The following TPRX2 variants were observed in gnomAD, a reference collection of about 807,000 sequenced individuals.
TPRX2 encodes tetrapeptide repeat homeobox 2.
the TPRX2 span, chr19:47,860,736 G>T: frequency 1.4e-6 from 2 of 1,481,210 alleles, no homozygotes; most frequent in South Asian, 1.3e-5. Flanking sequence ...CGCCGCCCCC[G>T]AGCGGCTCAC....
the TPRX2 span, among the ~76,000 whole-genome samples, chr19:47,861,677 T>C: frequency 6.6e-6 from 1 of 152,230 alleles, no homozygotes; most frequent in Non-Finnish European, 1.5e-5. Context: ...CTGCTGTGAA[T>C]GTGCCTGCCT....
the TPRX2 span, among the ~76,000 whole-genome samples, chr19:47,861,707 A>T: frequency 1.3e-5 from 2 of 152,160 alleles, no homozygotes; most frequent in Non-Finnish European, 2.9e-5. Flanking sequence ...ATTGAGCCTG[A>T]GCGTTTCTCT....
chr19:47,860,384 G>A, the TPRX2 span: 10 of 635,258 alleles, frequency 1.6e-5, no homozygotes, highest in Non-Finnish European at 2.3e-5. Context: ...CTCCCGCCCT[G>A]CCACGCAAGG....
At chr19:47,861,372 T>C in the TPRX2 span, 1 of 478,522 alleles carries the variant, frequency 2.1e-6, no homozygotes, top group Non-Finnish European at 4.1e-6. Context: ...CACCCAGTTA[T>C]ACCCTGACTT....
At chr19:47,861,408 C>G in the TPRX2 span, 4 of 558,786 alleles carry the variant, frequency 7.2e-6, no homozygotes, top group East Asian at 6.4e-5. Flanking sequence ...GCTCCTAGAC[C>G]GGTTCGAGGA....
the TPRX2 span, among the ~76,000 whole-genome samples, chr19:47,859,872 T>G: frequency 1.3e-5 from 2 of 150,706 alleles, no homozygotes; most frequent in Non-Finnish European, 3.0e-5. Context: ...CAGCCCCGTC[T>G]GCTCCGAGGT....
chr19:47,860,684 G>C, the TPRX2 span: 1 of 1,221,144 alleles, frequency 8.2e-7, no homozygotes, highest in Non-Finnish European at 1.1e-6. Flanking sequence ...TCATATGGTG[G>C]GTGCGGGGTG....
chr19:47,861,594 A>C, the TPRX2 span: 2 of 812,820 alleles, frequency 2.5e-6, no homozygotes, highest in Non-Finnish European at 3.6e-6. Flanking sequence ...TCTGCAGTGA[A>C]TGCATCACCC....
chr19:47,861,505 A>T, the TPRX2 span: 12 of 1,318,670 alleles, frequency 9.1e-6, no homozygotes, highest in African/African-American at 1.5e-5. Flanking sequence ...TCATTACTGG[A>T]TTTATAGGGG....
chr19:47,860,914 C>T, the TPRX2 span: 201 of 1,528,000 alleles, frequency 1.3e-4, no homozygotes, highest in Non-Finnish European at 1.7e-4. Flanking sequence ...CCCCTAGTCC[C>T]TGTAGCCGCT....
At chr19:47,861,524 C>G in the TPRX2 span, 7 of 1,322,914 alleles carry the variant, frequency 5.3e-6, no homozygotes, top group Non-Finnish European at 7.0e-6. Context: ...GGGCCTGTGC[C>G]TGCAAAGTTC....
the TPRX2 span, chr19:47,860,290 C>T: frequency 3.9e-6 from 6 of 1,519,722 alleles, no homozygotes; most frequent in Admixed American, 2.0e-5. Flanking sequence ...CAGGTCTGAC[C>T]CCCACCCCCA....
chr19:47,861,412 T>G, the TPRX2 span: 1 of 579,114 alleles, frequency 1.7e-6, no homozygotes, highest in African/African-American at 1.9e-5. Flanking sequence ...CTAGACCGGT[T>G]CGAGGAATCC....
the TPRX2 span, among the ~76,000 whole-genome samples, chr19:47,860,619 C>T: frequency 6.6e-6 from 1 of 151,746 alleles, no homozygotes; most frequent in Non-Finnish European, 1.5e-5. Flanking sequence ...ACCCTCCTCC[C>T]CCTACTTTCC....
At chr19:47,860,523 C>G in the TPRX2 span, among the ~76,000 whole-genome samples, 4 of 151,704 alleles carry the variant, frequency 2.6e-5, no homozygotes, top group African/African-American at 9.7e-5. Context: ...CTCAGGCACC[C>G]GTGAGAACCC....
At chr19:47,860,835 C>T in the TPRX2 span, 1 of 1,533,436 alleles carries the variant, frequency 6.5e-7, no homozygotes, top group Non-Finnish European at 8.7e-7. Context: ...CAAACTAGCT[C>T]GGGAGCGGCG....
the TPRX2 span, chr19:47,861,012 G>A: frequency 3.9e-6 from 4 of 1,027,566 alleles, no homozygotes; most frequent in Non-Finnish European, 5.9e-6. Context: ...CCTCCCAGCA[G>A]CAGAACCGAA....
At chr19:47,859,923 C>T in the TPRX2 span, among the ~76,000 whole-genome samples, 1 of 149,704 alleles carries the variant, frequency 6.7e-6, no homozygotes, top group South Asian at 2.1e-4. Flanking sequence ...GCTGTTATCG[C>T]GCCCATTTCC....
At chr19:47,860,745 A>G in the TPRX2 span, 1 of 1,497,546 alleles carries the variant, frequency 6.7e-7, no homozygotes, top group Non-Finnish European at 8.9e-7. Context: ...CGAGCGGCTC[A>G]CCCGGGCCGC....
Sources: allele counts gnomAD v4.1 joint callset (sites outside exome capture counted in the v4.1 genomes callset), GRCh38; gene constraint gnomAD v4.1.1; transcripts MANE v1.5; gene names NCBI Gene and HGNC (gene_info 2026-07-23, HGNC 2026-07-21).